KIF9: variants seen among roughly 807,000 people sequenced by gnomAD.
KIF9 encodes the protein kinesin family member 9.
KIF9 carries 68 observed loss-of-function variants against 94.8 expected under a neutral mutation model. The observed-to-expected ratio is 0.72, with a 90% confidence interval of 0.59 to 0.88. The LOEUF is 0.88. Among genes scored for constraint, KIF9 ranks in the 40% least tolerant of loss-of-function variants. The probability of loss-of-function intolerance (pLI) is 0.00; values close to 1 mark genes in which losing one functional copy is unlikely to be tolerated. For synonymous variants in KIF9, 343 were observed against 362.1 expected (o/e 0.95, Z 0.60); for missense variants, 882 against 982.5 (o/e 0.90, Z 1.37).
At chr3:47,271,573 G>T (rs1056935422) in intron 4 of KIF9, 112 bp from the exon 5 acceptor site, 12 of 754,680 alleles carry the variant, frequency 1.6e-5, no homozygotes, top group Non-Finnish European at 2.7e-5. Flanking sequence ...AATAATTATT[G>T]TCCTAAAGGA....
chr3:47,242,513 T>C (rs1032360126), intron 16 of KIF9, among the ~76,000 whole-genome samples: 1 of 152,246 alleles, frequency 6.6e-6, no homozygotes, highest in African/African-American at 2.4e-5. Context: ...AGGTTGAAAT[T>C]CTTCACGGAC....
intron 10 of KIF9, chr3:47,250,700 TA>T: frequency 8.0e-6 from 2 of 249,550 alleles, no homozygotes; most frequent in East Asian, 1.1e-4. Flanking sequence ...GTGTCTTCCC[TA>T]AAAGAGGCAC....
chr3:47,236,241 T>A, intron 18 of KIF9, 92 bp from the exon 19 acceptor site: 1 of 1,089,982 alleles, frequency 9.2e-7, no homozygotes, highest in Non-Finnish European at 1.4e-6. Flanking sequence ...CACCATCTGT[T>A]CACTTCCTGC....
chr3:47,266,961 GC>G lies in KIF9; in HGVS notation c.768+14del, dbSNP rs748875587. 14 of 1,594,400 alleles carry G rather than the reference GC, an allele frequency of 8.8e-6. No homozygotes were observed. The Admixed American group carries it at 1.3e-4, about 15-fold the overall frequency. ...GTGGTTTATTGAGTAGCAACCTCCAGCCCCCATCACTTACCCCAGACTTCCC... is the reference window on the plus strand; with the variant it reads ...GTGGTTTATTGAGTAGCAACCTCCAGCCCCATCACTTACCCCAGACTTCCC... On this transcript the variant is annotated intron_variant, in intron 7 of 20. Transcript: ENST00000684063.
intron 2 of KIF9, 88 bp from the exon 3 acceptor site, chr3:47,275,578 A>G: frequency 1.1e-6 from 1 of 942,360 alleles, no homozygotes; most frequent in African/African-American, 1.7e-5. Context: ...CCTAATCTGG[A>G]GGGAACAGAG....
chr3:47,273,902 C>T (rs933065138), intron 3 of KIF9, among the ~76,000 whole-genome samples: 5 of 152,208 alleles, frequency 3.3e-5, no homozygotes, highest in African/African-American at 1.2e-4. Flanking sequence ...CTGTTCCCTC[C>T]ACCAAGAGAT....
At chr3:47,236,176 TGAG>T in intron 18 of KIF9, 27 bp from the exon 19 acceptor site, 1 of 1,544,970 alleles carries the variant, frequency 6.5e-7, no homozygotes, top group Non-Finnish European at 9.0e-7. Flanking sequence ...AGACAGAACT[TGAG>T]GAAGCCGGTA....
At position 47,246,205 on chromosome 3, in the gene KIF9, C is replaced by T. The variant is rs754226760; in HGVS notation, c.1281G>A (p.Val427=). The T allele has an allele frequency of 1.9e-6, 3 of 1,613,526 alleles. No individual in the cohort carries two copies. The South Asian group carries it at 3.3e-5, about 18-fold the overall frequency. ...GGGTGGGGGTCTCTCACCTCAGAAC[C>T]ACCCGGAACTGGTTGAACACCTCCT... ...QIKEVFNQFR[V]VLSQQEQEVE... is the part of the protein sequence containing the mutation. Residue 427 remains valine, a synonymous_variant, in exon 13 of 21, where the codon GTG becomes GTA. Coordinates refer to ENST00000684063, the MANE Select transcript of KIF9 (RefSeq NM_182902.4).
At chr3:47,271,562 G>C in intron 4 of KIF9, 101 bp from the exon 5 acceptor site, 1 of 806,272 alleles carries the variant, frequency 1.2e-6, no homozygotes. Flanking sequence ...AAGATGTATA[G>C]AATAATTATT....
intron 10 of KIF9, among the ~76,000 whole-genome samples, chr3:47,248,435 C>T (rs1700067352): frequency 6.6e-6 from 1 of 152,030 alleles, no homozygotes; most frequent in African/African-American, 2.4e-5. Context: ...AGCCTACAGA[C>T]TCCAGAATGC....
At chr3:47,258,162 A>T (rs1489154191) in intron 9 of KIF9, among the ~76,000 whole-genome samples, 1 of 152,272 alleles carries the variant, frequency 6.6e-6, no homozygotes, top group East Asian at 1.9e-4. Context: ...AAAAAGAAGC[A>T]GGTAAAAATA....
chr3:47,269,783 T>A (rs1448261789), intron 5 of KIF9, among the ~76,000 whole-genome samples: 6 of 144,088 alleles, frequency 4.2e-5, no homozygotes, highest in Non-Finnish European at 7.6e-5. Context: ...TTTTTTTTTT[T>A]TTTTTTTTTT....
At position 47,273,065 on chromosome 3, in the gene KIF9, G is replaced by C. The variant is rs1462506350; in HGVS notation, c.366+487C>G. On this transcript the variant is annotated intron_variant, in intron 4 of 20. Transcript: ENST00000684063. ...CTGTCTTATCTTCAGTTATGCTATTGAGACCCCCCGGGCTGACACAGTCCT... is the reference window on the plus strand; with the variant it reads ...CTGTCTTATCTTCAGTTATGCTATTCAGACCCCCCGGGCTGACACAGTCCT... Among the ~76,000 whole-genome samples, 4 of 152,156 alleles carry C rather than the reference G, an allele frequency of 2.6e-5. No individual in the cohort carries two copies. In the East Asian group the frequency reaches 7.7e-4, roughly 29 times the overall value.
intron 1 of KIF9, among the ~76,000 whole-genome samples, chr3:47,278,650 G>A (rs551941327): frequency 4.4e-4 from 67 of 152,176 alleles, no homozygotes; most frequent in Admixed American, 3.3e-3. Context: ...GCAACATGGC[G>A]AAAACCCATC....
chr3:47,243,310 A>C, intron 15 of KIF9, 65 bp from the exon 16 acceptor site: 3 of 1,399,098 alleles, frequency 2.1e-6, no homozygotes, highest in Non-Finnish European at 2.9e-6. Context: ...TGCCAGGATG[A>C]GTGACCTTTC....
At chr3:47,267,627 C>T (rs1701368112) in intron 5 of KIF9, among the ~76,000 whole-genome samples, 1 of 152,184 alleles carries the variant, frequency 6.6e-6, no homozygotes, top group Non-Finnish European at 1.5e-5. Context: ...AAAATGCTGA[C>T]ACATAGTTTT....
At chr3:47,240,453 C>T (rs914122254) in intron 17 of KIF9, among the ~76,000 whole-genome samples, 1 of 152,170 alleles carries the variant, frequency 6.6e-6, no homozygotes, top group South Asian at 2.1e-4. Context: ...CAGAGACCCA[C>T]GGACCTTGTA....
At chr3:47,249,609 A>G (rs1700141191) in intron 10 of KIF9, among the ~76,000 whole-genome samples, 1 of 152,144 alleles carries the variant, frequency 6.6e-6, no homozygotes, top group Admixed American at 6.5e-5. Flanking sequence ...GTGCACTCCA[A>G]ACACTTCCAC....
At chr3:47,256,144 C>G (rs1391914047) in intron 10 of KIF9, among the ~76,000 whole-genome samples, 1 of 152,256 alleles carries the variant, frequency 6.6e-6, no homozygotes, top group Non-Finnish European at 1.5e-5. Flanking sequence ...CCTTGGCCTC[C>G]CAAAAGGCCG....
Sources: allele counts gnomAD v4.1 joint callset (sites outside exome capture counted in the v4.1 genomes callset), GRCh38; gene constraint gnomAD v4.1.1; transcripts MANE v1.5; gene names NCBI Gene and HGNC (gene_info 2026-07-23, HGNC 2026-07-21).